LRMDA: variants seen among roughly 807,000 people sequenced by gnomAD.
LRMDA encodes the protein leucine-rich melanocyte differentiation-associated protein.
A neutral mutation model predicts 29.8 loss-of-function variants in LRMDA; 18 were observed. The observed-to-expected ratio is 0.60, with a 90% confidence interval of 0.42 to 0.90. The LOEUF (loss-of-function observed/expected upper bound fraction) is 0.90, where lower values mean the gene tolerates loss of function less well. LRMDA is among the 40% of genes least tolerant of loss of function. LRMDA has a pLI of 0.00. For missense variants in LRMDA, 273 were observed against 273.9 expected, an observed-to-expected ratio of 1.00 and a Z score of 0.02; for synonymous variants, 125 against 109.4, an observed-to-expected ratio of 1.14 and a Z score of -0.89.
intron 5 of LRMDA, among the ~76,000 whole-genome samples, chr10:76,312,012 A>G (rs1449180583): frequency 6.6e-6 from 1 of 152,188 alleles, no homozygotes; most frequent in Non-Finnish European, 1.5e-5. Context: ...ATCATCCCCA[A>G]GAGAAAAGAA....
intron 2 of LRMDA, among the ~76,000 whole-genome samples, chr10:75,898,213 C>A (rs6480794): frequency 0.39 from 58,518 of 151,928 alleles, 13,139 homozygotes; most frequent in South Asian, 0.5. Flanking sequence ...AAAGAAATTG[C>A]CTGTTGCTAC....
chr10:75,893,287 C>T (rs1177348248), intron 2 of LRMDA, among the ~76,000 whole-genome samples: 2 of 152,124 alleles, frequency 1.3e-5, no homozygotes, highest in African/African-American at 4.8e-5. Flanking sequence ...TGTCATTGAT[C>T]TCCATCTGCC....
At chr10:75,729,103 G>A (rs1338600451) in intron 2 of LRMDA, among the ~76,000 whole-genome samples, 1 of 152,178 alleles carries the variant, frequency 6.6e-6, no homozygotes, top group African/African-American at 2.4e-5. Flanking sequence ...TCGCAGGACT[G>A]GTTATATTTT....
intron 5 of LRMDA, among the ~76,000 whole-genome samples, chr10:76,303,714 C>CTT (rs3066443): frequency 0.015 from 2,077 of 142,126 alleles, 45 homozygotes; most frequent in African/African-American, 0.05. Flanking sequence ...GATTGCCACT[C>CTT]TTTTTTTTTT....
chr10:76,294,482 A>G (rs183757516), intron 5 of LRMDA, among the ~76,000 whole-genome samples: 2 of 152,314 alleles, frequency 1.3e-5, no homozygotes, highest in East Asian at 1.9e-4. Context: ...GGCCTTATCC[A>G]TATATTTTAA....
At chr10:76,207,913 G>A (rs1374890990) in intron 5 of LRMDA, among the ~76,000 whole-genome samples, 3 of 151,942 alleles carry the variant, frequency 2.0e-5, no homozygotes, top group African/African-American at 4.8e-5. Flanking sequence ...GCAGTGAGCC[G>A]AGATCAGGCC....
At chr10:75,668,207 G>A (rs6480791) in intron 2 of LRMDA, among the ~76,000 whole-genome samples, 25,263 of 152,138 alleles carry the variant, frequency 0.17, 4,948 homozygotes, top group African/African-American at 0.46. Context: ...GGAGTTTGGT[G>A]TTCTGTTGAC....
At chr10:75,731,383 G>A (rs958877161) in intron 2 of LRMDA, among the ~76,000 whole-genome samples, 8 of 152,190 alleles carry the variant, frequency 5.3e-5, no homozygotes, top group African/African-American at 1.9e-4. Flanking sequence ...ATTATGCCAA[G>A]GGAAAGGTAT....
chr10:75,809,686 T>G (rs1224663523), intron 2 of LRMDA, among the ~76,000 whole-genome samples: 1 of 152,072 alleles, frequency 6.6e-6, no homozygotes, highest in African/African-American at 2.4e-5. Flanking sequence ...CCTGGATTCA[T>G]GGCACTTCAT....
chr10:75,855,381 T>C (rs1326680520), intron 2 of LRMDA, among the ~76,000 whole-genome samples: 1 of 152,252 alleles, frequency 6.6e-6, no homozygotes, highest in Non-Finnish European at 1.5e-5. Context: ...GAGAAGTGTC[T>C]GTTCATATCC....
At chr10:75,919,371 A>G (rs899043227) in intron 2 of LRMDA, among the ~76,000 whole-genome samples, 5 of 152,146 alleles carry the variant, frequency 3.3e-5, no homozygotes, top group African/African-American at 1.2e-4. Context: ...ATCATTTGGA[A>G]TGTGTTTCAG....
intron 5 of LRMDA, among the ~76,000 whole-genome samples, chr10:76,225,959 G>A (rs758852625): frequency 1.4e-5 from 2 of 140,726 alleles, no homozygotes; most frequent in Non-Finnish European, 3.0e-5. Context: ...TCCCGCCTAC[G>A]AATGAGAACA....
intron 2 of LRMDA, among the ~76,000 whole-genome samples, chr10:75,590,109 T>A (rs1031051994): frequency 6.6e-6 from 1 of 151,726 alleles, no homozygotes; most frequent in African/African-American, 2.4e-5. Context: ...AGCCTTGACC[T>A]CTTGGGCTCA....
At chr10:75,700,860 T>G (rs957940204) in intron 2 of LRMDA, among the ~76,000 whole-genome samples, 4 of 152,142 alleles carry the variant, frequency 2.6e-5, no homozygotes, top group Admixed American at 2.6e-4. Context: ...TGGCTGATAG[T>G]AGGGCTTAGC....
intron 2 of LRMDA, among the ~76,000 whole-genome samples, chr10:75,565,666 C>G (rs137962312): frequency 9.2e-5 from 14 of 152,286 alleles, no homozygotes; most frequent in African/African-American, 2.6e-4. Context: ...ATTTTACTAG[C>G]CAATAAATAA....
intron 5 of LRMDA, among the ~76,000 whole-genome samples, chr10:76,299,755 A>G (rs79667971): frequency 6.6e-6 from 1 of 152,022 alleles, no homozygotes; most frequent in African/African-American, 2.4e-5. Context: ...TTCATTTTCA[A>G]CACCAGTAAG....
At chr10:75,576,491 C>T (rs1048824586) in intron 2 of LRMDA, among the ~76,000 whole-genome samples, 1 of 152,366 alleles carries the variant, frequency 6.6e-6, no homozygotes, top group East Asian at 1.9e-4. Context: ...AAGAGAGCAG[C>T]AGATCTCCCA....
intron 2 of LRMDA, among the ~76,000 whole-genome samples, chr10:75,779,694 T>G (rs1263060319): frequency 1.3e-5 from 2 of 152,132 alleles, no homozygotes; most frequent in Non-Finnish European, 2.9e-5. Flanking sequence ...GGGTTGGTGT[T>G]GAGGGAGCCT....
At chr10:76,130,521 C>T (rs1269005832) in intron 5 of LRMDA, among the ~76,000 whole-genome samples, 3 of 152,206 alleles carry the variant, frequency 2.0e-5, no homozygotes, top group Non-Finnish European at 4.4e-5. Flanking sequence ...CGGTCAGAAG[C>T]TGTTGTTCTG....
Sources: gnomAD v4.1 joint callset for allele counts (sites outside exome capture counted in the v4.1 genomes callset) on GRCh38, gnomAD v4.1.1 for gene constraint, MANE v1.5 for transcripts, NCBI Gene and HGNC (gene_info 2026-07-23, HGNC 2026-07-21) for gene names.